Variants in KLHL29 observed in about 807,000 individuals in gnomAD.
The protein encoded by KLHL29 is kelch-like protein 29.
In KLHL29, 21 loss-of-function variants were observed where a neutral mutation model predicts 80.4. The ratio of observed to expected loss-of-function variants is 0.26; its 90% CI spans 0.19 to 0.38. KLHL29 has a LOEUF of 0.38. KLHL29 is among the 10% of genes least tolerant of loss of function. KLHL29 has a pLI of 1.00. For synonymous variants in KLHL29, 511 were observed against 526.8 expected (o/e 0.97, Z 0.41); for missense variants, 867 against 1,223.9 (o/e 0.71, Z 4.35).
Position 23,539,431 on chromosome 2 carries a change from C to CT in KLHL29, c.-45-22721_-45-22720insT, listed in dbSNP as rs1666768797. Among the ~76,000 whole-genome samples the CT allele has an allele frequency of 1.0e-4, 11 of 107,212 alleles. 1 individual carries two copies. The highest frequency in any genetic ancestry group is 1.5e-4 in the Non-Finnish European group (8 of 53,526). 70.3% of individuals were successfully genotyped at this position (107,212 alleles called of 152,430 possible). A position where few individuals can be genotyped will look rare whatever the true frequency, so the allele number is the denominator to read the frequency against. ...ATGCTTTGCTAGCCTTATCCTGCCT[C>CT]CTTTTTTTTTTTTTTTTTTTTTTTT... On this transcript the variant is annotated intron_variant, in intron 2 of 13. Transcript: ENST00000486442.
chr2:23,506,456 C>A (rs1558364294), intron 2 of KLHL29, among the ~76,000 whole-genome samples: 1 of 152,202 alleles, frequency 6.6e-6, no homozygotes, highest in Non-Finnish European at 1.5e-5. Flanking sequence ...TCAACCTGAT[C>A]CTTATCCCCC....
chr2:23,427,178 C>T lies in KLHL29; in HGVS notation c.-154+41398C>T, dbSNP rs138960160. On this transcript the variant is annotated intron_variant, in intron 1 of 13. Coordinates refer to ENST00000486442, the MANE Select transcript of KLHL29 (RefSeq NM_052920.2). The stretch of plus-strand genomic sequence containing the variant: ...AGAAGGTGCTGGCTAATTGCACAGC[C>T]GAAAACTGTGCAAGAGCCAGTTTGA... Among the ~76,000 whole-genome samples, 140 of 152,238 alleles carry T rather than the reference C, an allele frequency of 9.2e-4. No individual in the cohort carries two copies. The East Asian group carries it at 0.021, about 23-fold the overall frequency.
chr2:23,498,657 T>C (rs1034495270), intron 2 of KLHL29, among the ~76,000 whole-genome samples: 1 of 152,278 alleles, frequency 6.6e-6, no homozygotes, highest in Non-Finnish European at 1.5e-5. Flanking sequence ...CTGAGAATTC[T>C]GCAGTAATGC....
intron 2 of KLHL29, among the ~76,000 whole-genome samples, chr2:23,533,614 G>A (rs903768331): frequency 6.6e-6 from 1 of 152,196 alleles, no homozygotes; most frequent in African/African-American, 2.4e-5. Context: ...TCCTTCCCTG[G>A]CAGCTGCAGA....
At chr2:23,624,445 C>T (rs565784839) in intron 3 of KLHL29, among the ~76,000 whole-genome samples, 73 of 152,296 alleles carry the variant, frequency 4.8e-4, no homozygotes, top group Admixed American at 3.3e-3. Context: ...CTTGCTTCTT[C>T]GTTGCCATTA....
rs144617177 is a variant in KLHL29 at position 23,680,647 on chromosome 2, G to C, written c.941-3752G>C. Among the ~76,000 whole-genome samples the C allele has an allele frequency of 1.3e-5, 2 of 150,088 alleles. No homozygotes were observed. The highest frequency in any genetic ancestry group is 6.6e-5 in the Admixed American group (1 of 15,078). On this transcript the variant is annotated intron_variant, in intron 5 of 13. Transcript: ENST00000486442. The surrounding 1 kb of genome is among the most constrained non-coding windows in gnomAD (Gnocchi z 4.1). ...GCTCTCTAGGCCATCTTCTCCTGGG[G>C]TCTCTAGGCCATCTTCTCCTGGGCT... is the stretch of plus-strand genomic sequence containing the variant.
chr2:23,482,966 T>C (rs1368815006), intron 2 of KLHL29, among the ~76,000 whole-genome samples: 1 of 152,158 alleles, frequency 6.6e-6, no homozygotes, highest in Admixed American at 6.5e-5. Context: ...CTCAGTCCGG[T>C]GGGGCAGCCA....
chr2:23,612,270 C>T (rs551573032), intron 3 of KLHL29, among the ~76,000 whole-genome samples: 1 of 152,270 alleles, frequency 6.6e-6, no homozygotes, highest in South Asian at 2.1e-4. Context: ...AGTACAATGA[C>T]AAAATATATA....
Position 23,684,672 on chromosome 2 carries a change from C to T in KLHL29, c.1079+135C>T, listed in dbSNP as rs1383363881. 1 of 657,470 alleles carries T rather than the reference C, an allele frequency of 1.5e-6. No homozygotes were observed. Among genetic ancestry groups the T allele is most frequent in the African/African-American group, 1.8e-5 (1 of 54,422 alleles). 40.7% of individuals were successfully genotyped at this position (657,470 alleles called of 1,614,324 possible). A position where few individuals can be genotyped will look rare whatever the true frequency, so the allele number is the denominator to read the frequency against. On this transcript the variant is annotated intron_variant, in intron 6 of 13. Coordinates refer to ENST00000486442, the MANE Select transcript of KLHL29 (RefSeq NM_052920.2). The surrounding 1 kb of genome is among the most constrained non-coding windows in gnomAD (Gnocchi z 4.4). The stretch of plus-strand genomic sequence containing the variant: ...GAGCCAGTAGCCATCTCTCCTCCTC[C>T]TCCTCCTCCTCCTCCCCAGTACCCT...
At chr2:23,489,975 A>T (rs1665048169) in intron 2 of KLHL29, among the ~76,000 whole-genome samples, 1 of 151,744 alleles carries the variant, frequency 6.6e-6, no homozygotes, top group Non-Finnish European at 1.5e-5. Flanking sequence ...TCTTATCTAT[A>T]CTCCCCTTGC....
chr2:23,694,830 G>A (rs1671849267), intron 8 of KLHL29, among the ~76,000 whole-genome samples: 1 of 152,012 alleles, frequency 6.6e-6, no homozygotes, highest in Admixed American at 6.6e-5. Context: ...TCTTACTCCT[G>A]CACCCACTAC....
chr2:23,450,454 A>G (rs1011991440), intron 1 of KLHL29, among the ~76,000 whole-genome samples: 15 of 152,150 alleles, frequency 9.9e-5, no homozygotes, highest in African/African-American at 3.1e-4. Flanking sequence ...AAGGTCGTCC[A>G]TGCAGCCAGG....
intron 1 of KLHL29, among the ~76,000 whole-genome samples, chr2:23,387,208 T>G (rs955884976): frequency 2.6e-5 from 4 of 152,238 alleles, no homozygotes; most frequent in African/African-American, 4.8e-5. Flanking sequence ...GAGCTGCTGC[T>G]GCCTGCGAAA....
At chr2:23,545,347 G>A (rs548453351) in intron 2 of KLHL29, among the ~76,000 whole-genome samples, 1 of 152,344 alleles carries the variant, frequency 6.6e-6, no homozygotes, top group Non-Finnish European at 1.5e-5. Context: ...CTGAGCCTCA[G>A]TTTCCCCTTC....
At chr2:23,515,667 T>G (rs1363408199) in intron 2 of KLHL29, among the ~76,000 whole-genome samples, 2 of 152,248 alleles carry the variant, frequency 1.3e-5, no homozygotes, top group African/African-American at 4.8e-5. Flanking sequence ...GAAGGTCTCC[T>G]GTGAACGAGG....
chr2:23,432,526 GA>G (rs2103409140), intron 1 of KLHL29, among the ~76,000 whole-genome samples: 1 of 152,366 alleles, frequency 6.6e-6, no homozygotes, highest in South Asian at 2.1e-4. Flanking sequence ...TGCACTTCTG[GA>G]AAAGGGGCAT....
chr2:23,415,038 C>T (rs1278419067), intron 1 of KLHL29, among the ~76,000 whole-genome samples: 1 of 152,250 alleles, frequency 6.6e-6, no homozygotes, highest in Non-Finnish European at 1.5e-5. Context: ...TCAGGCCCCA[C>T]AAGGCCCCAC....
chr2:23,564,102 G>A (rs964181968), intron 3 of KLHL29, among the ~76,000 whole-genome samples: 4 of 152,250 alleles, frequency 2.6e-5, no homozygotes, highest in Admixed American at 6.5e-5. Context: ...GGAGAGAGAG[G>A]CTGGGCCCGG....
chr2:23,524,898 G>A (rs574045505), intron 2 of KLHL29, among the ~76,000 whole-genome samples: 4 of 152,310 alleles, frequency 2.6e-5, no homozygotes, highest in Admixed American at 2.6e-4. Flanking sequence ...ATTTCATGGG[G>A]ATCTTAAAAG....
Sources: gnomAD v4.1 joint callset for allele counts (sites outside exome capture counted in the v4.1 genomes callset) on GRCh38, gnomAD v4.1.1 for gene constraint, Gnocchi (gnomAD v3.1) non-coding constraint, MANE v1.5 for transcripts, NCBI Gene and HGNC (gene_info 2026-07-23, HGNC 2026-07-21) for gene names.